TEKT1: variants seen among roughly 807,000 people sequenced by gnomAD.
The protein encoded by TEKT1 is tektin 1.
In TEKT1, 32 loss-of-function variants were observed where a neutral mutation model predicts 34.8. That is an observed-to-expected ratio of 0.92 (90% CI 0.69 to 1.23). TEKT1 has a LOEUF of 1.23. Among genes scored for constraint, TEKT1 ranks in the 50% most tolerant of loss-of-function variants. TEKT1 has a pLI of 0.00. For synonymous variants in TEKT1, 207 were observed against 199.8 expected (o/e 1.04, Z -0.30); for missense variants, 492 against 518.5 (o/e 0.95, Z 0.50).
intron 2 of TEKT1, among the ~76,000 whole-genome samples, chr17:6,821,280 T>C (rs1977086253): frequency 1.3e-5 from 2 of 152,208 alleles, no homozygotes; most frequent in Admixed American, 1.3e-4. Flanking sequence ...AATTGGATCA[T>C]TGAGGCAGTT....
intron 2 of TEKT1, among the ~76,000 whole-genome samples, chr17:6,823,667 A>T (rs1904321096): frequency 6.6e-6 from 1 of 151,996 alleles, no homozygotes; most frequent in Admixed American, 6.6e-5. Flanking sequence ...TGTACCCTCC[A>T]CTATCCTACT....
Position 6,815,228 on chromosome 17 carries a change from G to A in TEKT1, c.564C>T (p.Cys188=). ...KFVALTIDDI[C]FSLNNNSPNI... Reference sequence around the variant, plus strand: ...TTGGTGAGTTGTTGTTGAGCGAGAAGCAGATATCATCTATGGTCAGGGCCA... The same window carrying A: ...TTGGTGAGTTGTTGTTGAGCGAGAAACAGATATCATCTATGGTCAGGGCCA... Residue 188 remains cysteine (C), a synonymous_variant, in exon 5 of 8, where the codon TGC becomes TGT. Transcript: ENST00000338694. 1 of 1,614,244 alleles carries A rather than the reference G, an allele frequency of 6.2e-7. No homozygotes were observed. Among genetic ancestry groups the A allele is most frequent in the Non-Finnish European group, 8.5e-7 (1 of 1,180,042 alleles).
At chr17:6,827,376 C>G (rs1904440874) in intron 2 of TEKT1, among the ~76,000 whole-genome samples, 1 of 151,618 alleles carries the variant, frequency 6.6e-6, no homozygotes, top group South Asian at 2.1e-4. Context: ...ATTCTCCTAC[C>G]TCAGCCTCCT....
intron 3 of TEKT1, 74 bp downstream of exon 3, chr17:6,819,117 GCA>G: frequency 6.6e-7 from 1 of 1,524,780 alleles, no homozygotes; most frequent in Non-Finnish European, 8.9e-7. Flanking sequence ...ACTCACCATC[GCA>G]CACAGCCGGC....
At chr17:6,809,904 A>G (rs1249656366) in intron 6 of TEKT1, among the ~76,000 whole-genome samples, 1 of 152,176 alleles carries the variant, frequency 6.6e-6, no homozygotes, top group Non-Finnish European at 1.5e-5. Context: ...CACCTATCTT[A>G]GCTGTTTGCA....
intron 2 of TEKT1, among the ~76,000 whole-genome samples, chr17:6,823,841 G>A (rs1479059050): frequency 1.2e-4 from 4 of 32,694 alleles, no homozygotes; most frequent in Admixed American, 3.3e-4. Context: ...TTTTTTTTTT[G>A]AGACAGAGTC....
intron 6 of TEKT1, among the ~76,000 whole-genome samples, chr17:6,802,868 T>C (rs1976794820): frequency 6.6e-6 from 1 of 152,232 alleles, no homozygotes; most frequent in Admixed American, 6.5e-5. Flanking sequence ...TTGTTGGACA[T>C]TTGGGTTGGT....
At chr17:6,824,827 A>G (rs544755671) in intron 2 of TEKT1, among the ~76,000 whole-genome samples, 1 of 152,334 alleles carries the variant, frequency 6.6e-6, no homozygotes, top group Admixed American at 6.5e-5. Flanking sequence ...TTGAAGGACA[A>G]TGATGAGTTC....
intron 6 of TEKT1, among the ~76,000 whole-genome samples, chr17:6,807,175 T>C (rs1018899949): frequency 3.9e-5 from 6 of 152,242 alleles, no homozygotes; most frequent in Non-Finnish European, 8.8e-5. Flanking sequence ...TTCTTTTCAT[T>C]CTTTTTTCTC....
chr17:6,800,947 AC>A lies in TEKT1; in HGVS notation c.853-5del. ...GGGAAGCAATCTCTTCCATGACCTT[AC>A]AAAAAGGATTAGAGTAGGTGAGGCC... On this transcript the variant is annotated splice_region_variant and splice_polypyrimidine_tract_variant and intron_variant, in intron 6 of 7. Transcript: ENST00000338694. 6.2e-7 allele frequency: 1 copy of A among 1,611,158 alleles called. No individual in the cohort carries two copies. The highest frequency in any genetic ancestry group is 8.5e-7 in the Non-Finnish European group (1 of 1,178,402).
chr17:6,815,391 C>G, intron 4 of TEKT1, 85 bp from the exon 5 acceptor site: 1 of 1,543,930 alleles, frequency 6.5e-7, no homozygotes, highest in Non-Finnish European at 8.9e-7. Context: ...GAAAGTGAAG[C>G]TGCAGCTAGG....
chr17:6,812,463 G>C (rs1976941280), intron 6 of TEKT1, among the ~76,000 whole-genome samples: 1 of 152,204 alleles, frequency 6.6e-6, no homozygotes, highest in African/African-American at 2.4e-5. Flanking sequence ...GGGCACGTGA[G>C]AGCATGTAGT....
chr17:6,826,031 A>T (rs1213110072), intron 2 of TEKT1, among the ~76,000 whole-genome samples: 1 of 152,236 alleles, frequency 6.6e-6, no homozygotes, highest in Non-Finnish European at 1.5e-5. Flanking sequence ...AGCTTTCCAA[A>T]GTGATTACAG....
chr17:6,818,112 C>G (rs34048841), intron 3 of TEKT1, among the ~76,000 whole-genome samples: 13,275 of 152,210 alleles, frequency 0.087, 615 homozygotes, highest in African/African-American at 0.12. Flanking sequence ...GCACATCCCA[C>G]TACTGGGGAC....
intron 3 of TEKT1, among the ~76,000 whole-genome samples, chr17:6,817,430 C>G (rs1418620307): frequency 6.6e-6 from 1 of 151,930 alleles, no homozygotes; most frequent in Non-Finnish European, 1.5e-5. Flanking sequence ...AATAATAACA[C>G]CAATAGTAAT....
chr17:6,803,771 G>A (rs1214332557), intron 6 of TEKT1, among the ~76,000 whole-genome samples: 2 of 152,086 alleles, frequency 1.3e-5, no homozygotes, highest in African/African-American at 4.8e-5. Context: ...GATGGTTGTA[G>A]ATATGCGGCA....
At chr17:6,804,521 G>T (rs1976819352) in intron 6 of TEKT1, among the ~76,000 whole-genome samples, 2 of 152,164 alleles carry the variant, frequency 1.3e-5, no homozygotes, top group Admixed American at 6.5e-5. Flanking sequence ...GTGAGAGAGG[G>T]CATCCCTGTC....
chr17:6,829,280 G>T (rs779712648), intron 2 of TEKT1, among the ~76,000 whole-genome samples: 2 of 152,082 alleles, frequency 1.3e-5, no homozygotes, highest in Non-Finnish European at 2.9e-5. Context: ...CCCCGTCTTT[G>T]TTCCCCTACC....
chr17:6,826,303 C>A (rs1904393373), intron 2 of TEKT1, among the ~76,000 whole-genome samples: 1 of 151,962 alleles, frequency 6.6e-6, no homozygotes, highest in Admixed American at 6.6e-5. Flanking sequence ...AGTTATCTGC[C>A]TTTTTCTTTT....
Sources: gnomAD v4.1 joint callset for allele counts (sites outside exome capture counted in the v4.1 genomes callset) on GRCh38, gnomAD v4.1.1 for gene constraint, MANE v1.5 for transcripts, NCBI Gene and HGNC (gene_info 2026-07-23, HGNC 2026-07-21) for gene names.